The following FGF14 variants were observed in gnomAD, a reference collection of about 807,000 sequenced individuals.
FGF14 encodes fibroblast growth factor homologous factor 4.
In FGF14, 5 loss-of-function variants were observed where a neutral mutation model predicts 25.5. The ratio of observed to expected loss-of-function variants is 0.20; its 90% confidence interval spans 0.10 to 0.41. The LOEUF (loss-of-function observed/expected upper bound fraction) is 0.41. FGF14 is among the 10% of genes least tolerant of loss of function. The pLI is 1.00. For missense variants in FGF14, 222 were observed against 320.1 expected (o/e 0.69, Z 2.34); for synonymous variants, 138 against 118.3 (o/e 1.17, Z -1.08).
At chr13:101,790,879 AT>A (rs1349695456) in intron 3 of FGF14, among the ~76,000 whole-genome samples, 1 of 152,146 alleles carries the variant, frequency 6.6e-6, no homozygotes, top group Non-Finnish European at 1.5e-5. Context: ...GCAATTCATT[AT>A]ATTTGTTTTT....
chr13:101,850,652 C>A (rs1467907368), intron 3 of FGF14, among the ~76,000 whole-genome samples: 3 of 139,354 alleles, frequency 2.2e-5, no homozygotes, highest in East Asian at 4.2e-4. Context: ...TATACATTCT[C>A]TATATATTCT....
intron 1 of FGF14, among the ~76,000 whole-genome samples, chr13:101,946,363 C>CAA (rs59866034): frequency 0.13 from 11,830 of 91,730 alleles, 629 homozygotes; most frequent in Middle Eastern, 0.18. Flanking sequence ...GCTTCTCCAT[C>CAA]AAAAAAAAAA....
At chr13:101,913,200 G>T (rs962063566) in intron 1 of FGF14, among the ~76,000 whole-genome samples, 5 of 152,174 alleles carry the variant, frequency 3.3e-5, no homozygotes, top group Non-Finnish European at 5.9e-5. Context: ...ACAAACAAAA[G>T]GATAAGGATT....
intron 1 of FGF14, among the ~76,000 whole-genome samples, chr13:102,094,079 G>A (rs2044286707): frequency 7.0e-6 from 1 of 142,152 alleles, no homozygotes; most frequent in Non-Finnish European, 1.5e-5. Flanking sequence ...AGGAAGGAGA[G>A]GAGAGGAGAG....
At chr13:101,982,054 T>C (rs963757909) in intron 1 of FGF14, among the ~76,000 whole-genome samples, 2 of 152,134 alleles carry the variant, frequency 1.3e-5, no homozygotes, top group East Asian at 3.9e-4. Context: ...CCAATGCTGT[T>C]CTCTAATTTC....
chr13:102,323,950 G>A (rs1475051272), intron 1 of FGF14, among the ~76,000 whole-genome samples: 1 of 138,346 alleles, frequency 7.2e-6, no homozygotes, highest in Non-Finnish European at 1.6e-5. Context: ...GGATCCCAAC[G>A]TGCAGTATGT....
At chr13:102,074,630 CAAGAA>C in intron 1 of FGF14, among the ~76,000 whole-genome samples, 1 of 152,208 alleles carries the variant, frequency 6.6e-6, no homozygotes, top group East Asian at 1.9e-4. Flanking sequence ...AACGACACTA[CAAGAA>C]AAGAAAGTTA....
rs569874388 is a variant in FGF14, at chr13:102,068,710, C to T, written c.209-193414G>A. On this transcript the variant is annotated intron_variant, in intron 1 of 4. Transcript: ENST00000376131. ...TCGCCGGGCCTTAGCTGCCTTCCCG[C>T]GGGGCAGGGCTCGGGACCTGCAGCC... Among the ~76,000 whole-genome samples, 16 of 152,322 alleles carry T rather than the reference C, an allele frequency of 1.1e-4. No individual in the cohort carries two copies. In the East Asian group the frequency reaches 2.1e-3, roughly 20 times the overall value.
chr13:102,007,859 G>A (rs1214001181), intron 1 of FGF14, among the ~76,000 whole-genome samples: 2 of 152,146 alleles, frequency 1.3e-5, no homozygotes, highest in African/African-American at 4.8e-5. Flanking sequence ...CAGTACCAAG[G>A]CATTTTGTTA....
intron 1 of FGF14, among the ~76,000 whole-genome samples, chr13:102,361,348 G>A (rs1594946981): frequency 2.0e-5 from 3 of 152,168 alleles, no homozygotes; most frequent in African/African-American, 7.2e-5. Context: ...GCATGGAGAA[G>A]AACGGAAGTT....
At chr13:102,226,461 T>C (rs1271136808) in intron 1 of FGF14, among the ~76,000 whole-genome samples, 1 of 152,216 alleles carries the variant, frequency 6.6e-6, no homozygotes, top group African/African-American at 2.4e-5. Flanking sequence ...TTCAATATTC[T>C]TATTTTCTTA....
intron 1 of FGF14, among the ~76,000 whole-genome samples, chr13:101,889,318 T>C (rs772983204): frequency 2.0e-5 from 3 of 152,188 alleles, no homozygotes; most frequent in Non-Finnish European, 4.4e-5. Context: ...TAGCTAACTA[T>C]GAGAAAAATC....
intron 3 of FGF14, among the ~76,000 whole-genome samples, chr13:101,855,567 A>C (rs1439594812): frequency 6.6e-6 from 1 of 151,984 alleles, no homozygotes; most frequent in Non-Finnish European, 1.5e-5. Context: ...AAGTCCTGCT[A>C]TGTGCCATAT....
intron 1 of FGF14, 137 bp from the exon 2 acceptor site, chr13:101,875,433 CTG>C (rs1365946533): frequency 2.9e-6 from 2 of 693,154 alleles, no homozygotes; most frequent in African/African-American, 1.8e-5. Context: ...TCAGATTCTT[CTG>C]TGTTTTATCA....
intron 1 of FGF14, among the ~76,000 whole-genome samples, chr13:101,892,780 A>G (rs919202397): frequency 1.3e-5 from 2 of 152,192 alleles, no homozygotes; most frequent in African/African-American, 4.8e-5. Flanking sequence ...GGACATAACC[A>G]TATCTGGCCA....
chr13:101,763,540 C>A (rs1379786645), intron 3 of FGF14, among the ~76,000 whole-genome samples: 1 of 151,326 alleles, frequency 6.6e-6, no homozygotes, highest in Non-Finnish European at 1.5e-5. Context: ...TCCTTTTCCT[C>A]TCTAGCGTTA....
intron 3 of FGF14, among the ~76,000 whole-genome samples, chr13:101,763,479 C>T (rs192974066): frequency 1.3e-4 from 20 of 152,284 alleles, no homozygotes; most frequent in Non-Finnish European, 7.3e-5. Context: ...AGTGAAGGAA[C>T]TTTGTGTGTG....
intron 1 of FGF14, among the ~76,000 whole-genome samples, chr13:102,243,484 T>C (rs1416356259): frequency 1.3e-5 from 2 of 152,184 alleles, no homozygotes; most frequent in East Asian, 3.9e-4. Flanking sequence ...CAACACATAA[T>C]TGAATTGTTC....
At chr13:101,974,756 A>G (rs1037270554) in intron 1 of FGF14, among the ~76,000 whole-genome samples, 2 of 152,212 alleles carry the variant, frequency 1.3e-5, no homozygotes, top group African/African-American at 4.8e-5. Flanking sequence ...AGTGAACCAC[A>G]GGTAGTACAA....
Sources: allele counts gnomAD v4.1 joint callset (sites outside exome capture counted in the v4.1 genomes callset), GRCh38; gene constraint gnomAD v4.1.1; transcripts MANE v1.5; gene names NCBI Gene and HGNC (gene_info 2026-07-23, HGNC 2026-07-21).